Variants in CDYL observed in about 807,000 individuals in gnomAD.
The protein encoded by CDYL is chromodomain Y-like protein.
CDYL carries 8 observed loss-of-function variants against 47.3 expected under a neutral mutation model. The observed-to-expected ratio is 0.17, with a 90% confidence interval of 0.10 to 0.31. The LOEUF (loss-of-function observed/expected upper bound fraction) is 0.31, where lower values mean the gene tolerates loss of function less well. Among genes scored for constraint, CDYL ranks in the 10% least tolerant of loss-of-function variants. The pLI, the probability that CDYL is intolerant of heterozygous loss-of-function variation, is 1.00. For synonymous variants in CDYL, 266 were observed against 265.0 expected, an observed-to-expected ratio of 1.00 and a Z score of -0.04; for missense variants, 471 against 701.4, an observed-to-expected ratio of 0.67 and a Z score of 3.71.
chr6:4,780,745 A>G (rs1475186653), intron 1 of CDYL, among the ~76,000 whole-genome samples: 2 of 152,194 alleles, frequency 1.3e-5, no homozygotes, highest in African/African-American at 4.8e-5. Flanking sequence ...AAAAAAACCC[A>G]TCCAACTCTC....
chr6:4,874,638 T>C (rs999641291), intron 1 of CDYL, among the ~76,000 whole-genome samples: 1 of 152,216 alleles, frequency 6.6e-6, no homozygotes, highest in East Asian at 1.9e-4. Flanking sequence ...GTTGGTGAGC[T>C]TGACAAATGT....
In CDYL at chr6:4,765,568, G is replaced by GT. The variant is rs35200907; in HGVS notation, c.186+30737dup. ...AACAAAGTCATCTTTTTTGTTTCCCGTTTTTTTTTTTTTGATACAGAGTCT... is the reference window on the plus strand; with the variant it reads ...AACAAAGTCATCTTTTTTGTTTCCCGTTTTTTTTTTTTTTGATACAGAGTCT... On this transcript the variant is annotated intron_variant, in intron 3 of 8. Transcript: ENST00000328908. 7.6e-3 allele frequency among the ~76,000 whole-genome samples: 1,083 copies of GT among 143,434 alleles called. 6 individuals carry two copies. Among genetic ancestry groups the GT allele is most frequent in the Middle Eastern group, 0.015 (4 of 272 alleles). 94.1% of individuals were successfully genotyped at this position (143,434 alleles called of 152,430 possible).
At chr6:4,836,136 C>G (rs1760298430) in intron 1 of CDYL, 1 of 232,076 alleles carries the variant, frequency 4.3e-6, no homozygotes. Context: ...CCTGGTACCT[C>G]AGATGGAAAT....
chr6:4,807,941 ACT>A (rs1759420118), intron 1 of CDYL, among the ~76,000 whole-genome samples: 1 of 151,162 alleles, frequency 6.6e-6, no homozygotes, highest in African/African-American at 2.4e-5. Context: ...TTTTTTTTTA[ACT>A]CTATGTATTA....
intron 1 of CDYL, among the ~76,000 whole-genome samples, chr6:4,863,235 A>T (rs1031997561): frequency 1.3e-5 from 2 of 152,160 alleles, no homozygotes; most frequent in African/African-American, 4.8e-5. Flanking sequence ...AGGTTGAAAA[A>T]ACTACCTGTT....
chr6:4,808,459 A>G (rs749671338), intron 1 of CDYL, among the ~76,000 whole-genome samples: 1 of 152,180 alleles, frequency 6.6e-6, no homozygotes, highest in Non-Finnish European at 1.5e-5. Flanking sequence ...CATTTGCTCA[A>G]CTCTAGTATA....
intron 2 of CDYL, among the ~76,000 whole-genome samples, chr6:4,930,457 T>C (rs1184455615): frequency 2.6e-5 from 4 of 152,238 alleles, no homozygotes; most frequent in Admixed American, 2.6e-4. Flanking sequence ...ACCTGCACTG[T>C]GGCAGCTGCT....
chr6:4,763,946 A>G (rs968557430), intron 3 of CDYL, among the ~76,000 whole-genome samples: 19 of 152,078 alleles, frequency 1.2e-4, no homozygotes, highest in African/African-American at 4.6e-4. Flanking sequence ...CCATCCCCCA[A>G]CCCCAAAAAA....
intron 5 of CDYL, 79 bp from the exon 6 acceptor site, chr6:4,952,187 G>C: frequency 1.3e-6 from 2 of 1,495,310 alleles, no homozygotes; most frequent in Admixed American, 2.0e-5. Flanking sequence ...GTTTCCCTTC[G>C]GTGTGGATTT....
intron 2 of CDYL, among the ~76,000 whole-genome samples, chr6:4,925,572 C>T (rs1757847729): frequency 6.6e-6 from 1 of 151,960 alleles, no homozygotes; most frequent in East Asian, 1.9e-4. Flanking sequence ...CCCGCCACCA[C>T]ACTCGGCTAA....
intron 1 of CDYL, among the ~76,000 whole-genome samples, chr6:4,777,026 G>A (rs988471852): frequency 1.1e-4 from 17 of 149,200 alleles, no homozygotes; most frequent in Admixed American, 1.3e-4. Context: ...CGTGGGGTGG[G>A]GGGGGGGGTC....
intron 1 of CDYL, among the ~76,000 whole-genome samples, chr6:4,861,811 T>C (rs1761177470): frequency 6.6e-6 from 1 of 152,232 alleles, no homozygotes; most frequent in South Asian, 2.1e-4. Flanking sequence ...CTGCTTGTTG[T>C]TTGTCCTTAG....
Position 4,923,773 on chromosome 6 carries a change from C to T in CDYL, c.692-11742C>T, listed in dbSNP as rs368530903. On this transcript the variant is annotated intron_variant, in intron 2 of 6. Coordinates refer to ENST00000397588, the MANE Select transcript of CDYL (RefSeq NM_004824.4). ...AAAATTAGCCAGGCATGGTGGCGGG[C>T]GCCTGTAGTCCCAGCTACTCGGGAG... Among the ~76,000 whole-genome samples the T allele has an allele frequency of 3.3e-5, 5 of 151,992 alleles. 1 individual carries two copies. Among genetic ancestry groups the T allele is most frequent in the Admixed American group, 2.0e-4 (3 of 15,258 alleles).
At chr6:4,913,761 C>G (rs1413925073) in intron 2 of CDYL, among the ~76,000 whole-genome samples, 2 of 152,250 alleles carry the variant, frequency 1.3e-5, no homozygotes, top group Non-Finnish European at 2.9e-5. Flanking sequence ...ACGGTCTCTA[C>G]TACTACTTAA....
intron 4 of CDYL, among the ~76,000 whole-genome samples, chr6:4,940,495 G>A (rs3892732): frequency 0.022 from 3,299 of 152,322 alleles, 49 homozygotes; most frequent in Non-Finnish European, 0.031. Flanking sequence ...AAGGAAAAGC[G>A]GGAAGCAAAC....
At chr6:4,915,732 C>G (rs1757538528) in intron 2 of CDYL, among the ~76,000 whole-genome samples, 1 of 152,194 alleles carries the variant, frequency 6.6e-6, no homozygotes, top group South Asian at 2.1e-4. Flanking sequence ...CTGTAAAGCT[C>G]TCTTGTGGGG....
intron 1 of CDYL, among the ~76,000 whole-genome samples, chr6:4,833,696 G>C (rs1276136024): frequency 6.6e-6 from 1 of 151,476 alleles, no homozygotes; most frequent in Admixed American, 6.6e-5. Flanking sequence ...CATTATTATT[G>C]TGTGGGAGTC....
intron 1 of CDYL, among the ~76,000 whole-genome samples, chr6:4,883,949 C>T (rs905294807): frequency 6.6e-6 from 1 of 152,074 alleles, no homozygotes; most frequent in African/African-American, 2.4e-5. Context: ...ATGAGTCTAC[C>T]CTTGAGTATC....
intron 2 of CDYL, among the ~76,000 whole-genome samples, chr6:4,928,262 A>G (rs1017432334): frequency 5.3e-5 from 8 of 151,280 alleles, no homozygotes; most frequent in Non-Finnish European, 4.4e-5. Flanking sequence ...TTGTGTGTGT[A>G]TGTGTGTGTG....
Sources: gnomAD v4.1 joint callset for allele counts (sites outside exome capture counted in the v4.1 genomes callset) on GRCh38, gnomAD v4.1.1 for gene constraint, MANE v1.5 for transcripts, NCBI Gene and HGNC (gene_info 2026-07-23, HGNC 2026-07-21) for gene names.